Variants in COL4A2 observed in about 807,000 individuals in gnomAD.
COL4A2 encodes collagen type IV alpha 2 chain.
COL4A2 carries 99 observed loss-of-function variants against 200.2 expected under a neutral mutation model. That is an observed-to-expected ratio of 0.49 (90% confidence interval 0.42 to 0.58). The LOEUF (loss-of-function observed/expected upper bound fraction) is 0.58, where lower values mean the gene tolerates loss of function less well. Ranked by LOEUF, COL4A2 falls within the 20% of genes least tolerant of loss-of-function variation. COL4A2 has a pLI of 0.00. For synonymous variants in COL4A2, 897 were observed against 900.6 expected, an observed-to-expected ratio of 1.00 and a Z score of 0.07; for missense variants, 1,950 against 2,314.1, an observed-to-expected ratio of 0.84 and a Z score of 3.23.
intron 31 of COL4A2, among the ~76,000 whole-genome samples, chr13:110,480,659 G>A (rs1309933488): frequency 1.3e-5 from 2 of 152,232 alleles, no homozygotes; most frequent in East Asian, 1.9e-4. Flanking sequence ...GGGAAACATC[G>A]TCTTATTGTA....
At chr13:110,345,332 C>A (rs879733212) in intron 3 of COL4A2, among the ~76,000 whole-genome samples, 1 of 152,156 alleles carries the variant, frequency 6.6e-6, no homozygotes, top group African/African-American at 2.4e-5. Context: ...TTAAGCATTC[C>A]GCTGTAGTTG....
At chr13:110,433,604 G>T (rs558820685) in intron 11 of COL4A2, among the ~76,000 whole-genome samples, 3 of 152,190 alleles carry the variant, frequency 2.0e-5, no homozygotes, top group African/African-American at 7.2e-5. Context: ...TGGAGGGGGC[G>T]GACGGTAGAC....
intron 4 of COL4A2, among the ~76,000 whole-genome samples, chr13:110,363,516 T>G (rs1257215273): frequency 6.6e-6 from 1 of 151,874 alleles, no homozygotes; most frequent in Non-Finnish European, 1.5e-5. Flanking sequence ...TCGGGGCGGG[T>G]TGGAGGCAGA....
chr13:110,457,714 C>G (rs78525615), intron 21 of COL4A2: 1 of 599,820 alleles, frequency 1.7e-6, no homozygotes, highest in East Asian at 3.8e-5. Flanking sequence ...GATGCTGAGT[C>G]CTGTGCTGGG....
intron 3 of COL4A2, among the ~76,000 whole-genome samples, chr13:110,329,143 G>A (rs2139359638): frequency 6.6e-6 from 1 of 152,338 alleles, no homozygotes; most frequent in Non-Finnish European, 1.5e-5. Context: ...AGTAAATGGA[G>A]AAGTTTAGAC....
chr13:110,472,969 C>T lies in COL4A2; in HGVS notation c.2244C>T (p.Leu748=), dbSNP rs375548321. Residue 748 remains leucine, a synonymous_variant, in exon 29 of 48, where the codon CTC becomes CTT. Coordinates refer to ENST00000360467, the MANE Select transcript of COL4A2 (RefSeq NM_001846.4). ...GAGGATCCAAAGGTGCAGTGGGCCT[C>T]CCTGGCCCAGATGGATCCCCAGGTC... ...GPRGSKGAVG[L]PGPDGSPGPI... The T allele has an allele frequency of 2.1e-4, 331 of 1,553,780 alleles. 1 individual carries two copies. The African/African-American group carries it at 4.1e-3, about 19-fold the overall frequency.
At position 110,506,419 on chromosome 13, in the gene COL4A2, A is replaced by G; in HGVS notation, c.4407A>G (p.Ala1469=). The change falls in exon 46 of 48, where the codon GCA becomes GCG. Residue 1469 remains alanine (A), a synonymous_variant. Coordinates refer to ENST00000360467, the MANE Select transcript of COL4A2 (RefSeq NM_001846.4). ...GHQGPIGQEG[A]PGRPGSPGLP... ...TCTCTCTTTCTCGGGCTGCAGGTGC[A>G]CCAGGCCGTCCAGGGAGCCCGGGCC... The G allele has an allele frequency of 6.2e-7, 1 of 1,609,490 alleles. No homozygotes were observed. Among genetic ancestry groups the G allele is most frequent in the East Asian group, 2.2e-5 (1 of 44,762 alleles).
chr13:110,356,305 C>T (rs930464185), intron 3 of COL4A2, among the ~76,000 whole-genome samples: 40 of 152,192 alleles, frequency 2.6e-4, no homozygotes, highest in African/African-American at 9.4e-4. Context: ...CATTCCTCCT[C>T]CTTACTGAGC....
intron 27 of COL4A2, 82 bp from the exon 28 acceptor site, chr13:110,469,135 C>T (rs1000472069): frequency 1.8e-5 from 26 of 1,482,856 alleles, no homozygotes; most frequent in Admixed American, 9.9e-5. Context: ...ATGAGATCCA[C>T]ATTAAGTCAG....
intron 4 of COL4A2, among the ~76,000 whole-genome samples, chr13:110,379,312 A>G (rs560226575): frequency 2.0e-5 from 3 of 152,338 alleles, no homozygotes; most frequent in African/African-American, 7.2e-5. Flanking sequence ...GGGCTAGAGC[A>G]GTGCTCAGCA....
intron 3 of COL4A2, among the ~76,000 whole-genome samples, chr13:110,351,030 T>C (rs1407120836): frequency 6.6e-6 from 1 of 152,130 alleles, no homozygotes; most frequent in Non-Finnish European, 1.5e-5. Flanking sequence ...GCTCTCTCTC[T>C]TGTTTCTTTC....
In COL4A2 at chr13:110,427,675, C is replaced by G. The variant is rs61963224; in HGVS notation, c.361-792C>G. On this transcript the variant is annotated intron_variant, in intron 6 of 47. Coordinates refer to ENST00000360467, the MANE Select transcript of COL4A2 (RefSeq NM_001846.4). ...TACTGCATAAATTATAGATTATTAA[C>G]CCAGCCCCTGTGTGTCTCCTGGAAC... 9.0e-3 allele frequency among the ~76,000 whole-genome samples: 1,368 copies of G among 152,274 alleles called. 9 individuals carry two copies. The highest frequency in any genetic ancestry group is 0.015 in the Non-Finnish European group (1,010 of 68,024).
intron 12 of COL4A2, 186 bp from the exon 13 acceptor site, chr13:110,436,078 TGAAAG>T: frequency 1.2e-6 from 1 of 817,894 alleles, no homozygotes. Flanking sequence ...TGATTGCTAA[TGAAAG>T]GAGGATATAA....
At chr13:110,356,319 A>T (rs775049471) in intron 3 of COL4A2, among the ~76,000 whole-genome samples, 2 of 152,072 alleles carry the variant, frequency 1.3e-5, no homozygotes, top group African/African-American at 2.4e-5. Flanking sequence ...ACTGAGCATA[A>T]GTGTGTCCCG....
chr13:110,384,586 C>T (rs1004634879), intron 4 of COL4A2, among the ~76,000 whole-genome samples: 3 of 152,196 alleles, frequency 2.0e-5, no homozygotes, highest in Non-Finnish European at 2.9e-5. Flanking sequence ...TGTCCTCTGG[C>T]GTGTGGAGTG....
At chr13:110,371,360 T>C (rs1409881499) in intron 4 of COL4A2, among the ~76,000 whole-genome samples, 4 of 152,248 alleles carry the variant, frequency 2.6e-5, no homozygotes, top group African/African-American at 9.6e-5. Flanking sequence ...TAGACCTATT[T>C]ACATTTATGT....
At chr13:110,368,936 CG>C (rs1418623557) in intron 4 of COL4A2, among the ~76,000 whole-genome samples, 9 of 151,830 alleles carry the variant, frequency 5.9e-5, no homozygotes, top group African/African-American at 2.2e-4. Context: ...AGGCCAGGCG[CG>C]GTGGCTCGCA....
chr13:110,359,178 G>A (rs187536042), intron 4 of COL4A2, among the ~76,000 whole-genome samples: 2 of 152,222 alleles, frequency 1.3e-5, no homozygotes, highest in Admixed American at 1.3e-4. Flanking sequence ...AGGAAAAAAG[G>A]GTACCCCAAA....
intron 4 of COL4A2, among the ~76,000 whole-genome samples, chr13:110,374,780 A>T (rs1009200580): frequency 3.9e-5 from 6 of 151,976 alleles, no homozygotes; most frequent in Non-Finnish European, 7.4e-5. Context: ...TCCACCCCTG[A>T]CTCTGCTAAC....
Sources: allele counts gnomAD v4.1 joint callset (sites outside exome capture counted in the v4.1 genomes callset), GRCh38; gene constraint gnomAD v4.1.1; transcripts MANE v1.5; gene names NCBI Gene and HGNC (gene_info 2026-07-23, HGNC 2026-07-21).